MCC: variants seen among roughly 807,000 people sequenced by gnomAD.
The protein encoded by MCC is colorectal mutant cancer protein.
A neutral mutation model predicts 116.2 loss-of-function variants in MCC; 90 were observed. The ratio of observed to expected loss-of-function variants is 0.77; its 90% CI spans 0.65 to 0.92. The LOEUF (loss-of-function observed/expected upper bound fraction) is 0.92. Ranked by LOEUF, MCC falls within the 40% of genes least tolerant of loss-of-function variation. MCC has a pLI of 0.00. For synonymous variants in MCC, 578 were observed against 510.5 expected (o/e 1.13, Z -1.78); for missense variants, 1,516 against 1,312.2 (o/e 1.16, Z -2.40).
intron 6 of MCC, among the ~76,000 whole-genome samples, chr5:113,121,726 T>G (rs1757746989): frequency 6.6e-6 from 1 of 152,148 alleles, no homozygotes; most frequent in Admixed American, 6.5e-5. Context: ...CAAGAAAAAC[T>G]CATTATAAAA....
intron 3 of MCC, among the ~76,000 whole-genome samples, chr5:113,332,526 T>C (rs1444924463): frequency 7.4e-6 from 1 of 135,910 alleles, no homozygotes. Flanking sequence ...AGTAAGCCAG[T>C]GCATTCCAGC....
Position 113,028,919 on chromosome 5 carries a change from T to G in MCC, c.2879+15A>C, listed in dbSNP as rs755023053. 1.2e-6 allele frequency: 2 copies of G among 1,612,546 alleles called. No homozygotes were observed. The highest frequency in any genetic ancestry group is 2.2e-5 in the East Asian group (1 of 44,786). ...GGTGGAGGGCGGTGGGGGCTGGGTA[T>G]AGGGAGATTTTTACCTGTTGGCCCG... On this transcript the variant is annotated intron_variant, in intron 18 of 18. Coordinates refer to ENST00000408903, the MANE Select transcript of MCC (RefSeq NM_001085377.2).
Position 113,151,389 on chromosome 5 carries a change from C to T in MCC, c.661G>A (p.Asp221Asn). 3 of 1,613,066 alleles carry T rather than the reference C, an allele frequency of 1.9e-6. No homozygotes were observed. The highest frequency in any genetic ancestry group is 2.5e-6 in the Non-Finnish European group (3 of 1,179,324). ...HSAALASLKG[D>N]IVELNKRLQQ... ...AGACGTTTATTAAGTTCCACTATATCTCCCTTTAGTGATGCCAGGGCTGCT... is the reference window on the plus strand; with the variant it reads ...AGACGTTTATTAAGTTCCACTATATTTCCCTTTAGTGATGCCAGGGCTGCT... The change falls in exon 4 of 19, where the codon GAT (aspartate) becomes AAT (asparagine). Residue 221 changes from aspartate (D) to asparagine (N), a missense_variant. By Grantham distance (23) the Asp-to-Asn change is conservative. Transcript: ENST00000408903.
rs1310115126 is a variant in MCC, at chr5:113,430,353, T to TC, written c.171-45142_171-45141insG. ...AGAGCACTAGGTAAAGTTCTTCCTA[T>TC]GTAGATAGTTGGCCTCCCTTAGTTA... On this transcript the variant is annotated intron_variant, in intron 1 of 18. Coordinates refer to ENST00000408903, the MANE Select transcript of MCC (RefSeq NM_001085377.2). Among the ~76,000 whole-genome samples the TC allele has an allele frequency of 6.6e-5, 10 of 152,332 alleles. No individual in the cohort carries two copies. The East Asian group carries it at 1.9e-3, about 29-fold the overall frequency.
chr5:113,129,975 C>A (rs913675786), intron 5 of MCC, among the ~76,000 whole-genome samples: 1 of 152,092 alleles, frequency 6.6e-6, no homozygotes, highest in African/African-American at 2.4e-5. Flanking sequence ...CCCAGCAATC[C>A]CATTACTGGG....
chr5:113,307,206 T>C (rs1008495047), intron 3 of MCC, among the ~76,000 whole-genome samples: 4 of 152,202 alleles, frequency 2.6e-5, no homozygotes, highest in African/African-American at 9.7e-5. Flanking sequence ...GAAATTTTGA[T>C]AGGCGTGCAC....
intron 3 of MCC, chr5:113,294,739 G>C (rs1581379028): frequency 2.0e-6 from 2 of 997,524 alleles, no homozygotes; most frequent in Non-Finnish European, 2.4e-6. Flanking sequence ...GTGCCTCGCC[G>C]CCCCCCATTA....
chr5:113,365,022 T>C (rs1768651958), intron 2 of MCC, among the ~76,000 whole-genome samples: 1 of 152,330 alleles, frequency 6.6e-6, no homozygotes, highest in Admixed American at 6.5e-5. Flanking sequence ...TTCCCTATTG[T>C]CTTGGCTATT....
At chr5:113,191,253 C>T (rs1349470100) in intron 3 of MCC, among the ~76,000 whole-genome samples, 2 of 152,226 alleles carry the variant, frequency 1.3e-5, no homozygotes, top group Non-Finnish European at 2.9e-5. Context: ...CAGTACTCCA[C>T]ATTTTTCTGA....
intron 3 of MCC, among the ~76,000 whole-genome samples, chr5:113,245,357 C>A (rs1409404400): frequency 6.6e-6 from 1 of 151,178 alleles, no homozygotes; most frequent in African/African-American, 2.4e-5. Flanking sequence ...AGGGACAAAC[C>A]AAAGAAATAT....
chr5:113,409,812 C>T (rs1769930922), intron 1 of MCC, among the ~76,000 whole-genome samples: 1 of 152,294 alleles, frequency 6.6e-6, no homozygotes, highest in South Asian at 2.1e-4. Flanking sequence ...GATATTTAGT[C>T]TCTGTCCCTT....
At chr5:113,045,935 C>G (rs1180542025) in intron 16 of MCC, among the ~76,000 whole-genome samples, 1 of 152,214 alleles carries the variant, frequency 6.6e-6, no homozygotes, top group Admixed American at 6.5e-5. Context: ...AAATGACCCA[C>G]AAGCTCTACA....
At chr5:113,271,733 T>C (rs185436612) in intron 3 of MCC, among the ~76,000 whole-genome samples, 5 of 152,338 alleles carry the variant, frequency 3.3e-5, no homozygotes, top group East Asian at 1.9e-4. Flanking sequence ...AATGGATTAA[T>C]GACATTTATC....
At chr5:113,379,564 T>C (rs1156229113) in intron 2 of MCC, among the ~76,000 whole-genome samples, 1 of 152,230 alleles carries the variant, frequency 6.6e-6, no homozygotes, top group East Asian at 1.9e-4. Context: ...TCTATCTTTC[T>C]AGCATTATAA....
rs1390242479 is a variant in MCC, at chr5:113,426,855, TC to T, written c.171-41644del. On this transcript the variant is annotated intron_variant, in intron 1 of 18. Transcript: ENST00000408903. ...AATATTTCAGAAACTTAAAATTCACTCCTCTATAATGCGATGGGAGTGCAAA... is the reference window on the plus strand; with the variant it reads ...AATATTTCAGAAACTTAAAATTCACTCTCTATAATGCGATGGGAGTGCAAA... Among the ~76,000 whole-genome samples the T allele has an allele frequency of 2.6e-5, 4 of 152,118 alleles. No individual in the cohort carries two copies. The East Asian group carries it at 7.7e-4, about 29-fold the overall frequency.
At chr5:113,180,980 A>T (rs1238709986) in intron 3 of MCC, among the ~76,000 whole-genome samples, 1 of 152,226 alleles carries the variant, frequency 6.6e-6, no homozygotes, top group Non-Finnish European at 1.5e-5. Flanking sequence ...GTCAACTCTA[A>T]TTTTGAAGAA....
chr5:113,236,205 T>G lies in MCC; in HGVS notation c.628-84783A>C, dbSNP rs551967862. ...GAGGTGAGGTATGCTTGAGCCTAGG[T>G]TTGAAATAATATTGCTGCATTTGCA... On this transcript the variant is annotated intron_variant, in intron 3 of 18. Transcript: ENST00000408903. Among the ~76,000 whole-genome samples the G allele has an allele frequency of 2.6e-5, 4 of 152,284 alleles. No homozygotes were observed. In the South Asian group the frequency reaches 8.3e-4, roughly 32 times the overall value.
At chr5:113,331,469 T>C (rs1767694425) in intron 3 of MCC, among the ~76,000 whole-genome samples, 1 of 151,778 alleles carries the variant, frequency 6.6e-6, no homozygotes, top group African/African-American at 2.4e-5. Context: ...GTCTTGGTTC[T>C]ACTACTTTTG....
rs572087416 is a variant in MCC at position 113,423,929 on chromosome 5, C to T, written c.171-38717G>A. Among the ~76,000 whole-genome samples, 9 of 152,172 alleles carry T rather than the reference C, an allele frequency of 5.9e-5. No homozygotes were observed. In the East Asian group the frequency reaches 1.5e-3, roughly 26 times the overall value. ...CGGAGAATGGTAAAACTGTTTTTCC[C>T]TTTTCCTCCACTCAGCTCTGACAAC... On this transcript the variant is annotated intron_variant, in intron 1 of 18. Transcript: ENST00000408903.
Sources: allele counts gnomAD v4.1 joint callset (sites outside exome capture counted in the v4.1 genomes callset), GRCh38; gene constraint gnomAD v4.1.1; transcripts MANE v1.5; gene names NCBI Gene and HGNC (gene_info 2026-07-23, HGNC 2026-07-21).